TYW1B: variants seen among roughly 807,000 people sequenced by gnomAD.
TYW1B encodes the protein S-adenosyl-L-methionine-dependent tRNA 4-demethylwyosine synthase TYW1B.
In TYW1B, 73 loss-of-function variants were observed where a neutral mutation model predicts 86.9. The ratio of observed to expected loss-of-function variants is 0.84; its 90% CI spans 0.70 to 1.02. The LOEUF is 1.02. Among genes scored for constraint, TYW1B ranks in the 50% least tolerant of loss-of-function variants. TYW1B has a pLI of 0.00. For missense variants in TYW1B, 637 were observed against 827.4 expected (o/e 0.77, Z 2.82); for synonymous variants, 248 against 292.8 (o/e 0.85, Z 1.56).
At chr7:72,784,269 G>A (rs1788092812) in intron 6 of TYW1B, among the ~76,000 whole-genome samples, 1 of 152,142 alleles carries the variant, frequency 6.6e-6, no homozygotes. Context: ...TACAGCTTCT[G>A]AGAACCACTC....
Position 72,828,154 on chromosome 7 carries a change from G to A in TYW1B, c.-79C>T. On this transcript the variant is annotated 5_prime_UTR_variant, in exon 1 of 14. Transcript: ENST00000620995. ...TCGCACTGGTACTGCGAGACGCACCGAGCTACCTCGCGGCGTTAGCGCCGT... is the reference window on the plus strand; with the variant it reads ...TCGCACTGGTACTGCGAGACGCACCAAGCTACCTCGCGGCGTTAGCGCCGT... 2.5e-6 allele frequency: 4 copies of A among 1,599,924 alleles called. No individual in the cohort carries two copies. Among genetic ancestry groups the A allele is most frequent in the Non-Finnish European group, 3.4e-6 (4 of 1,173,378 alleles).
At chr7:72,702,996 A>ACC (rs1814512412) in intron 10 of TYW1B, among the ~76,000 whole-genome samples, 1 of 11,890 alleles carries the variant, frequency 8.4e-5, no homozygotes, top group Non-Finnish European at 2.2e-4. Context: ...CTATATATAT[A>ACC]TATATATATA....
intron 7 of TYW1B, among the ~76,000 whole-genome samples, chr7:72,774,077 A>G (rs1563089652): frequency 6.6e-6 from 1 of 151,398 alleles, no homozygotes; most frequent in Non-Finnish European, 1.5e-5. Flanking sequence ...AAAAAAAAAA[A>G]AAAAGAAACA....
rs544170551 is a variant in TYW1B, at chr7:72,602,202, G to A, written c.1785+14470C>T. 1.3e-3 allele frequency among the ~76,000 whole-genome samples: 202 copies of A among 152,276 alleles called. 1 individual carries two copies. The highest frequency in any genetic ancestry group is 4.7e-3 in the African/African-American group (197 of 41,556). On this transcript the variant is annotated intron_variant, in intron 13 of 13. Transcript: ENST00000620995. The stretch of plus-strand genomic sequence containing the variant: ...TTTTGGAAACGGGTGGAGTCTGCAA[G>A]ACTAGAGGCAAAAGGAACTGCACAT...
At chr7:72,609,040 T>C (rs187395683) in intron 13 of TYW1B, among the ~76,000 whole-genome samples, 1 of 152,330 alleles carries the variant, frequency 6.6e-6, no homozygotes, top group East Asian at 1.9e-4. Context: ...TTTGATAACG[T>C]ACTATGATCA....
At chr7:72,821,509 C>T (rs1348088684) in intron 2 of TYW1B, among the ~76,000 whole-genome samples, 1 of 152,200 alleles carries the variant, frequency 6.6e-6, no homozygotes, top group Non-Finnish European at 1.5e-5. Context: ...CTTTACTTCC[C>T]TGAATACATG....
chr7:72,650,557 G>T (rs1193464149), intron 11 of TYW1B, among the ~76,000 whole-genome samples: 6 of 151,946 alleles, frequency 3.9e-5, no homozygotes, highest in Admixed American at 3.9e-4. Flanking sequence ...ATATATAATG[G>T]ACACATGGTC....
intron 5 of TYW1B, among the ~76,000 whole-genome samples, chr7:72,806,807 T>C (rs1485526361): frequency 2.6e-5 from 4 of 151,920 alleles, no homozygotes; most frequent in African/African-American, 7.3e-5. Context: ...TGCACCACCA[T>C]GCCTTGCTAA....
intron 7 of TYW1B, among the ~76,000 whole-genome samples, chr7:72,766,558 G>A (rs1432426442): frequency 1.4e-5 from 2 of 138,432 alleles, no homozygotes; most frequent in Non-Finnish European, 3.0e-5. Context: ...AGGTTGCCGT[G>A]AGCCAAGATC....
chr7:72,813,229 G>C (rs1314003457), intron 3 of TYW1B, among the ~76,000 whole-genome samples: 3 of 149,906 alleles, frequency 2.0e-5, no homozygotes, highest in African/African-American at 7.4e-5. Context: ...AGGCTAGAGG[G>C]CAATGGCGCA....
intron 6 of TYW1B, among the ~76,000 whole-genome samples, chr7:72,798,300 A>G (rs1447475300): frequency 6.6e-6 from 1 of 152,002 alleles, no homozygotes; most frequent in Non-Finnish European, 1.5e-5. Context: ...CTGAGGCAGG[A>G]GAACGGCGTG....
intron 6 of TYW1B, among the ~76,000 whole-genome samples, chr7:72,785,821 T>C (rs1417141701): frequency 1.3e-5 from 2 of 151,938 alleles, no homozygotes; most frequent in Non-Finnish European, 2.9e-5. Flanking sequence ...CCAAAGAAAA[T>C]GCCAGAAAAA....
chr7:72,814,185 C>T (rs1482378127), intron 3 of TYW1B, among the ~76,000 whole-genome samples: 2 of 151,928 alleles, frequency 1.3e-5, no homozygotes, highest in Admixed American at 6.6e-5. Context: ...TTAAGAGATT[C>T]GAAATACGGG....
intron 6 of TYW1B, among the ~76,000 whole-genome samples, chr7:72,798,832 T>A (rs1427981573): frequency 6.6e-6 from 1 of 152,172 alleles, no homozygotes; most frequent in Non-Finnish European, 1.5e-5. Context: ...TGAGAAATGT[T>A]TATCAGTGTA....
chr7:72,634,692 T>G (rs1447904173), intron 11 of TYW1B, among the ~76,000 whole-genome samples: 1 of 152,134 alleles, frequency 6.6e-6, no homozygotes, highest in Admixed American at 6.6e-5. Context: ...TGTTGCTAGT[T>G]TTCACCACTT....
chr7:72,600,864 A>G (rs1180308951), intron 13 of TYW1B, among the ~76,000 whole-genome samples: 2 of 147,262 alleles, frequency 1.4e-5, no homozygotes, highest in Non-Finnish European at 3.0e-5. Flanking sequence ...CTTGTCTCTT[A>G]AAAAAAAAAG....
intron 11 of TYW1B, among the ~76,000 whole-genome samples, chr7:72,662,418 TATATATATATAGATAG>T (rs1459857293): frequency 0.034 from 1,679 of 49,376 alleles, 16 homozygotes; most frequent in African/African-American, 0.046. Context: ...AGGTTTTTAA[TATATATATATAGATAG>T]ATAGATAGAT....
chr7:72,639,235 ATTTTTTTAAAT>A (rs532070937), intron 11 of TYW1B, among the ~76,000 whole-genome samples: 1,550 of 151,608 alleles, frequency 0.01, 35 homozygotes, highest in African/African-American at 0.035. Flanking sequence ...TATTGTGTTT[ATTTTTTTAAAT>A]TTTTTTTAAA....
At chr7:72,646,347 C>T (rs538326407) in intron 11 of TYW1B, among the ~76,000 whole-genome samples, 1 of 152,180 alleles carries the variant, frequency 6.6e-6, no homozygotes, top group African/African-American at 2.4e-5. Context: ...CAGGCATAAG[C>T]CACTGTGCCT....
Sources: allele counts gnomAD v4.1 joint callset (sites outside exome capture counted in the v4.1 genomes callset), GRCh38; gene constraint gnomAD v4.1.1; transcripts MANE v1.5; gene names NCBI Gene and HGNC (gene_info 2026-07-23, HGNC 2026-07-21).